Variants in DNAAF1 observed in about 807,000 individuals in gnomAD.
DNAAF1 encodes dynein axonemal assembly factor 1, also known as dynein assembly factor 1, axonemal.
Under a neutral mutation model 71.1 loss-of-function variants are expected in DNAAF1, and 65 were observed. That is an observed-to-expected ratio of 0.91 (90% CI 0.75 to 1.12). The LOEUF (loss-of-function observed/expected upper bound fraction) is 1.12, where lower values mean the gene tolerates loss of function less well. Ranked by LOEUF, DNAAF1 falls within the 50% of genes most tolerant of loss-of-function variation. The probability of loss-of-function intolerance (pLI) is 0.00; values close to 1 mark genes in which losing one functional copy is unlikely to be tolerated. For synonymous variants in DNAAF1, 414 were observed against 354.6 expected (o/e 1.17, Z -1.88); for missense variants, 1,178 against 899.8 (o/e 1.31, Z -3.96).
intron 6 of DNAAF1, among the ~76,000 whole-genome samples, chr16:84,161,829 C>G (rs1307258871): frequency 6.6e-6 from 1 of 151,974 alleles, no homozygotes; most frequent in Non-Finnish European, 1.5e-5. Context: ...GTCTCTTCGG[C>G]CTGATTTGAT....
In DNAAF1 at chr16:84,170,008, C is replaced by G; in HGVS notation, c.1180C>G (p.Pro394Ala). 5.0e-6 allele frequency: 8 copies of G among 1,613,830 alleles called. No individual in the cohort carries two copies. Among genetic ancestry groups the G allele is most frequent in the Non-Finnish European group, 6.8e-6 (8 of 1,179,988 alleles). The change falls in exon 8 of 12, where the codon CCA becomes GCA. Residue 394 changes from proline to alanine, a missense_variant. Coordinates refer to ENST00000378553, the MANE Select transcript of DNAAF1 (RefSeq NM_178452.6). ...EAKDELCPEK[P>A]SGEEPPVEAK... ...CAAGGACGAGCTCTGCCCGGAAAAG[C>G]CAAGTGGAGAGGAGCCGCCTGTGGA...
At position 84,154,750 on chromosome 16, in the gene DNAAF1, G is replaced by A. The variant is rs2087331727; in HGVS notation, c.526G>A (p.Asp176Asn). The A allele has an allele frequency of 6.2e-7, 1 of 1,614,010 alleles. No individual in the cohort carries two copies. Among genetic ancestry groups the A allele is most frequent in the Non-Finnish European group, 8.5e-7 (1 of 1,180,038 alleles). The change falls in exon 4 of 12, where the codon GAT (aspartate) becomes AAT (asparagine). Residue 176 changes from aspartate to asparagine, a missense_variant. Physicochemically the swap from Asp to Asn is conservative, Grantham distance 23. Coordinates refer to ENST00000378553, the MANE Select transcript of DNAAF1 (RefSeq NM_178452.6). ...GAACCTGGAACCTCTGCAGAAACTG[G>A]ATGCTCTTAACCTCAGCAACAATTA... ...IENLEPLQKL[D>N]ALNLSNNYIK...
chr16:84,170,401 G>A (rs1348632782), intron 8 of DNAAF1, 45 bp downstream of exon 8: 2 of 1,612,342 alleles, frequency 1.2e-6, no homozygotes, highest in Non-Finnish European at 1.7e-6. Flanking sequence ...CACCTCTCAG[G>A]GAGCCCCAGC....
At position 84,165,737 on chromosome 16, in the gene DNAAF1, T is replaced by A. The variant is rs766914996; in HGVS notation, c.864-46T>A. The A allele has an allele frequency of 1.9e-6, 3 of 1,567,834 alleles. No individual in the cohort carries two copies. In the Admixed American group the frequency reaches 5.0e-5, roughly 26 times the overall value. ...GAGCAAGTTGATCAGACAGTGTATG[T>A]TTGGAGTTCACCTCCCCTATTTATG... On this transcript the variant is annotated intron_variant, in intron 6 of 11. Coordinates refer to ENST00000378553, the MANE Select transcript of DNAAF1 (RefSeq NM_178452.6).
intron 11 of DNAAF1, chr16:84,176,629 C>T: frequency 2.4e-6 from 1 of 414,254 alleles, no homozygotes; most frequent in Non-Finnish European, 4.6e-6. Context: ...TCCACCCCCT[C>T]CTCACCATCC....
At chr16:84,154,870 C>T (rs1050623360) in intron 4 of DNAAF1, 72 bp downstream of exon 4, 179 of 1,282,724 alleles carry the variant, frequency 1.4e-4, no homozygotes, top group Admixed American at 1.5e-4. Context: ...ATGTTCTAAG[C>T]TTTTATATTA....
At chr16:84,159,821 C>G (rs1204336631) in intron 6 of DNAAF1, 25 bp downstream of exon 6, 3 of 1,611,992 alleles carry the variant, frequency 1.9e-6, no homozygotes, top group Non-Finnish European at 2.5e-6. Context: ...GCCTTCTGAT[C>G]ACATTTTAAT....
At position 84,170,124 on chromosome 16, in the gene DNAAF1, G is replaced by T. The variant is rs9972733; in HGVS notation, c.1296G>T (p.Glu432Asp). ...CGTCACCTGTGGAGGTTAAAGGAGA[G>T]GACGGAGATGGAGAGCCAGAGGGGA... ...LLSSPVEVKG[E>D]DGDGEPEGTL... The change falls in exon 8 of 12, where the codon GAG becomes GAT. Residue 432 changes from glutamate to aspartate, a missense_variant. Glu to Asp is a conservative substitution (Grantham distance 45). Transcript: ENST00000378553. The T allele has an allele frequency of 6.2e-7, 1 of 1,605,930 alleles. No homozygotes were observed. Among genetic ancestry groups the T allele is most frequent in the African/African-American group, 1.3e-5 (1 of 74,724 alleles).
At chr16:84,173,492 A>T in intron 9 of DNAAF1, 4 of 984,158 alleles carry the variant, frequency 4.1e-6, no homozygotes, top group Non-Finnish European at 4.8e-6. Flanking sequence ...TAAAGTGATC[A>T]CGGTCAGAAT....
At chr16:84,168,051 C>G (rs939398845) in intron 7 of DNAAF1, among the ~76,000 whole-genome samples, 1 of 152,118 alleles carries the variant, frequency 6.6e-6, no homozygotes, top group East Asian at 1.9e-4. Context: ...CTGTTTTACC[C>G]TATTGCAGTT....
intron 10 of DNAAF1, chr16:84,174,926 G>C (rs1049173242): frequency 1.7e-6 from 1 of 602,038 alleles, no homozygotes; most frequent in African/African-American, 1.8e-5. Context: ...TGTGTTCTTG[G>C]CTCACTGCAA....
chr16:84,150,755 A>G (rs1567536112), intron 3 of DNAAF1, among the ~76,000 whole-genome samples: 1 of 151,718 alleles, frequency 6.6e-6, no homozygotes, highest in Non-Finnish European at 1.5e-5. Context: ...GCTGGGTTAC[A>G]GGTGCCCACC....
At chr16:84,158,557 C>T (rs553721472) in intron 5 of DNAAF1, among the ~76,000 whole-genome samples, 2 of 152,260 alleles carry the variant, frequency 1.3e-5, no homozygotes, top group East Asian at 3.9e-4. Context: ...CAATTCAGCC[C>T]AGAACGAAAG....
chr16:84,161,106 T>C (rs894098743), intron 6 of DNAAF1, among the ~76,000 whole-genome samples: 3 of 152,102 alleles, frequency 2.0e-5, no homozygotes, highest in African/African-American at 7.2e-5. Context: ...CGTTACACCC[T>C]TGGGGGAGCT....
chr16:84,169,751 G>C, intron 7 of DNAAF1, 108 bp from the exon 8 acceptor site: 2 of 1,512,338 alleles, frequency 1.3e-6, no homozygotes, highest in Non-Finnish European at 1.8e-6. Flanking sequence ...CTGTGTTCCT[G>C]ACCTTTTCCC....
At position 84,154,605 on chromosome 16, in the gene DNAAF1, G is replaced by A. The variant is rs2087325226; in HGVS notation, c.381G>A (p.Glu127=). The A allele has an allele frequency of 6.2e-7, 1 of 1,614,008 alleles. No individual in the cohort carries two copies. The highest frequency in any genetic ancestry group is 8.5e-7 in the Non-Finnish European group (1 of 1,180,044). ...KGFDRIENLE[E]YTGLRCLWLQ... is the part of the protein sequence containing the mutation. ...TTGATCGCATTGAGAACCTGGAAGA[G>A]TACACAGGGCTGCGCTGTCTCTGGC... Residue 127 remains glutamate, a synonymous_variant, in exon 4 of 12, where the codon GAG becomes GAA. Transcript: ENST00000378553.
intron 7 of DNAAF1, among the ~76,000 whole-genome samples, chr16:84,168,590 T>A (rs943336214): frequency 6.6e-6 from 1 of 152,148 alleles, no homozygotes; most frequent in Non-Finnish European, 1.5e-5. Context: ...ACATACATTT[T>A]TATATAAAAA....
chr16:84,169,307 A>T (rs1255840388), intron 7 of DNAAF1, among the ~76,000 whole-genome samples: 1 of 150,772 alleles, frequency 6.6e-6, no homozygotes, highest in Non-Finnish European at 1.5e-5. Context: ...GCTGGTTTTG[A>T]ACTCCTGATG....
chr16:84,166,686 A>G (rs1316693348), intron 7 of DNAAF1, among the ~76,000 whole-genome samples: 1 of 152,128 alleles, frequency 6.6e-6, no homozygotes, highest in Non-Finnish European at 1.5e-5. Flanking sequence ...GATTTTTTTA[A>G]AACCATTTCC....
Sources: allele counts gnomAD v4.1 joint callset (sites outside exome capture counted in the v4.1 genomes callset), GRCh38; gene constraint gnomAD v4.1.1; transcripts MANE v1.5; gene names NCBI Gene and HGNC (gene_info 2026-07-23, HGNC 2026-07-21).